Variants in KCNC2 observed in about 807,000 individuals in gnomAD.
The protein encoded by KCNC2 is potassium voltage-gated channel subfamily C member 2.
KCNC2 carries 21 observed loss-of-function variants against 44.5 expected under a neutral mutation model. The ratio of observed to expected loss-of-function variants is 0.47; its 90% CI spans 0.33 to 0.68. KCNC2 has a LOEUF of 0.68. Among genes scored for constraint, KCNC2 ranks in the 30% least tolerant of loss-of-function variants. The probability of loss-of-function intolerance (pLI) is 0.01; values close to 1 mark genes in which losing one functional copy is unlikely to be tolerated. For synonymous variants in KCNC2, 391 were observed against 339.1 expected (o/e 1.15, Z -1.68); for missense variants, 589 against 826.2 (o/e 0.71, Z 3.52).
intron 2 of KCNC2, among the ~76,000 whole-genome samples, chr12:75,146,517 A>G (rs1565891080): frequency 6.6e-6 from 1 of 152,200 alleles, no homozygotes; most frequent in Non-Finnish European, 1.5e-5. Context: ...AGTTTAGTAT[A>G]TGTGTAAACC....
Position 75,204,712 on chromosome 12 carries a change from T to C in KCNC2, c.687+2585A>G, listed in dbSNP as rs115235346. On this transcript the variant is annotated intron_variant, in intron 2 of 4. Coordinates refer to ENST00000549446, the MANE Select transcript of KCNC2 (RefSeq NM_139137.4). ...AACTTGTGGCCTCCACATATGATTCTATTTTTCAAACTAGTCAGATAACGT... is the reference window on the plus strand; with the variant it reads ...AACTTGTGGCCTCCACATATGATTCCATTTTTCAAACTAGTCAGATAACGT... Among the ~76,000 whole-genome samples the C allele has an allele frequency of 3.7e-3, 568 of 152,292 alleles. 1 individual carries two copies. The highest frequency in any genetic ancestry group is 0.013 in the African/African-American group (534 of 41,574).
chr12:75,198,043 A>G (rs929459478), intron 2 of KCNC2, among the ~76,000 whole-genome samples: 3 of 152,142 alleles, frequency 2.0e-5, no homozygotes, highest in Admixed American at 6.6e-5. Context: ...GTAAATTTAT[A>G]GAAAACATGA....
At chr12:75,189,015 G>C (rs538057080) in intron 2 of KCNC2, among the ~76,000 whole-genome samples, 6 of 152,292 alleles carry the variant, frequency 3.9e-5, no homozygotes. Context: ...ATAGTTAAGA[G>C]TTGATGATCA....
chr12:75,079,597 C>T (rs1465981100), intron 2 of KCNC2, among the ~76,000 whole-genome samples: 1 of 152,052 alleles, frequency 6.6e-6, no homozygotes, highest in African/African-American at 2.4e-5. Flanking sequence ...TAACTGCCCA[C>T]AAGTTAAATC....
At chr12:75,206,561 A>G (rs2031702988) in intron 2 of KCNC2, among the ~76,000 whole-genome samples, 1 of 152,230 alleles carries the variant, frequency 6.6e-6, no homozygotes, top group African/African-American at 2.4e-5. Context: ...GAGAACTAGG[A>G]TCACCAAAGT....
At chr12:75,043,800 C>A in intron 4 of KCNC2, 2 of 1,490,184 alleles carry the variant, frequency 1.3e-6, no homozygotes, top group Non-Finnish European at 1.8e-6. Context: ...GGATGGAATG[C>A]CCATTTCTAA....
At chr12:75,131,475 G>C (rs1354307019) in intron 2 of KCNC2, among the ~76,000 whole-genome samples, 1 of 151,994 alleles carries the variant, frequency 6.6e-6, no homozygotes, top group South Asian at 2.1e-4. Flanking sequence ...ATGTCAAAAG[G>C]GATTTTGCAA....
chr12:75,057,059 C>A (rs763023895), intron 2 of KCNC2, among the ~76,000 whole-genome samples: 1 of 151,924 alleles, frequency 6.6e-6, no homozygotes, highest in Non-Finnish European at 1.5e-5. Context: ...CTACAAAAAA[C>A]TTTAAGCATG....
At chr12:75,105,339 A>G (rs79658900) in intron 2 of KCNC2, among the ~76,000 whole-genome samples, 8,865 of 152,236 alleles carry the variant, frequency 0.058, 667 homozygotes, top group African/African-American at 0.17. Context: ...TGTGTCAGAA[A>G]CAGAATTAAC....
At chr12:75,197,005 A>C (rs1484337245) in intron 2 of KCNC2, among the ~76,000 whole-genome samples, 1 of 152,014 alleles carries the variant, frequency 6.6e-6, no homozygotes, top group Non-Finnish European at 1.5e-5. Context: ...CATAGTGAGC[A>C]AGTAGCCAAC....
chr12:75,076,620 T>A (rs1369080317), intron 2 of KCNC2, among the ~76,000 whole-genome samples: 3 of 152,190 alleles, frequency 2.0e-5, no homozygotes, highest in Non-Finnish European at 4.4e-5. Flanking sequence ...CATGTCTTTA[T>A]AATAAATAGT....
intron 2 of KCNC2, among the ~76,000 whole-genome samples, chr12:75,135,749 A>G (rs1889181582): frequency 6.6e-6 from 1 of 151,870 alleles, no homozygotes; most frequent in Non-Finnish European, 1.5e-5. Context: ...ATCTCTACCC[A>G]CTCATTTCTT....
At position 75,041,378 on chromosome 12, in the gene KCNC2, C is replaced by G; in HGVS notation, c.*1727G>C. The G allele has an allele frequency of 7.0e-7, 1 of 1,432,528 alleles. No homozygotes were observed. The highest frequency in any genetic ancestry group is 9.2e-7 in the Non-Finnish European group (1 of 1,090,788). The allele number at this position is 1,432,528 out of a possible 1,614,324, so 88.7% of individuals were successfully genotyped here. A position where few individuals can be genotyped will look rare whatever the true frequency, so the allele number is the denominator to read the frequency against. ...TGTACAACATCTCCAACATGCAGGT[C>G]ATGCTCTAGGACTTGGGGATATAGA... is the stretch of plus-strand genomic sequence containing the variant. On this transcript the variant is annotated 3_prime_UTR_variant, in exon 5 of 5. Transcript: ENST00000549446.
chr12:75,118,174 T>C (rs933146842), intron 2 of KCNC2, among the ~76,000 whole-genome samples: 6 of 152,170 alleles, frequency 3.9e-5, no homozygotes, highest in African/African-American at 1.4e-4. Flanking sequence ...AGAAGCCAAG[T>C]CTCAGAGAGT....
At chr12:75,066,643 C>CAAAATTT (rs1882858915) in intron 2 of KCNC2, among the ~76,000 whole-genome samples, 1 of 152,064 alleles carries the variant, frequency 6.6e-6, no homozygotes, top group African/African-American at 2.4e-5. Flanking sequence ...TTTTAATAAA[C>CAAAATTT]AAAATTTAAA....
At chr12:75,146,205 T>C (rs7313257) in intron 2 of KCNC2, among the ~76,000 whole-genome samples, 25,230 of 152,102 alleles carry the variant, frequency 0.17, 2,666 homozygotes, top group African/African-American at 0.29. Context: ...CCACCTGCCT[T>C]GGCCTCCCAA....
intron 2 of KCNC2, among the ~76,000 whole-genome samples, chr12:75,147,046 A>G (rs1000524775): frequency 6.6e-6 from 1 of 152,202 alleles, no homozygotes; most frequent in African/African-American, 2.4e-5. Flanking sequence ...ACACAATTTT[A>G]GGTGCAATAA....
chr12:75,124,921 G>C (rs1030512410), intron 2 of KCNC2: 1 of 152,160 alleles, frequency 6.6e-6, no homozygotes. Flanking sequence ...TGGCTAACAC[G>C]GTGAAACCCC....
chr12:75,092,078 T>A (rs1051976893), intron 2 of KCNC2, among the ~76,000 whole-genome samples: 1 of 151,656 alleles, frequency 6.6e-6, no homozygotes, highest in African/African-American at 2.4e-5. Context: ...CCACCTGAGA[T>A]GCTTGATTGA....
Sources: gnomAD v4.1 joint callset for allele counts (sites outside exome capture counted in the v4.1 genomes callset) on GRCh38, gnomAD v4.1.1 for gene constraint, MANE v1.5 for transcripts, NCBI Gene and HGNC (gene_info 2026-07-23, HGNC 2026-07-21) for gene names.